CLSTN1: variants seen among roughly 807,000 people sequenced by gnomAD.
CLSTN1 encodes calsyntenin 1.
A neutral mutation model predicts 108.3 loss-of-function variants in CLSTN1; 28 were observed. The ratio of observed to expected loss-of-function variants is 0.26; its 90% CI spans 0.19 to 0.35. The LOEUF is 0.35. Ranked by LOEUF, CLSTN1 falls within the 10% of genes least tolerant of loss-of-function variation. The probability of loss-of-function intolerance (pLI) is 1.00; values close to 1 mark genes in which losing one functional copy is unlikely to be tolerated. For synonymous variants in CLSTN1, 524 were observed against 534.9 expected, an observed-to-expected ratio of 0.98 and a Z score of 0.28; for missense variants, 1,157 against 1,302.6, an observed-to-expected ratio of 0.89 and a Z score of 1.72.
chr1:9,764,857 T>C (rs989038542), intron 2 of CLSTN1, among the ~76,000 whole-genome samples: 1 of 152,024 alleles, frequency 6.6e-6, no homozygotes, highest in Admixed American at 6.6e-5. Context: ...CACTTTTTTT[T>C]ATCATCTCTG....
intron 9 of CLSTN1, among the ~76,000 whole-genome samples, chr1:9,742,905 CG>C (rs1018970108): frequency 6.6e-6 from 1 of 151,450 alleles, no homozygotes; most frequent in African/African-American, 2.4e-5. Flanking sequence ...GACTCAGTCT[CG>C]GGGGAAAAAA....
chr1:9,731,682 G>A, intron 17 of CLSTN1, 79 bp downstream of exon 17: 1 of 1,406,534 alleles, frequency 7.1e-7, no homozygotes, highest in Admixed American at 1.7e-5. Context: ...TGCTGAGCAG[G>A]AGGCTGTGCC....
intron 9 of CLSTN1, 28 bp downstream of exon 9, chr1:9,743,856 C>T (rs1044398779): frequency 3.7e-6 from 6 of 1,612,644 alleles, no homozygotes; most frequent in Middle Eastern, 1.6e-4. Flanking sequence ...CTTGCCCGGC[C>T]CTATTAGTGC....
At chr1:9,814,767 G>A (rs1654904611) in intron 1 of CLSTN1, among the ~76,000 whole-genome samples, 1 of 151,978 alleles carries the variant, frequency 6.6e-6, no homozygotes, top group South Asian at 2.1e-4. Context: ...AAATTAGCCA[G>A]GCATGGCGGT....
intron 1 of CLSTN1, among the ~76,000 whole-genome samples, chr1:9,815,548 T>A (rs1329185212): frequency 1.3e-5 from 2 of 152,226 alleles, no homozygotes; most frequent in Non-Finnish European, 2.9e-5. Flanking sequence ...AATGTGTATT[T>A]GATTCGAAAA....
At chr1:9,758,692 T>C (rs1651932624) in intron 2 of CLSTN1, among the ~76,000 whole-genome samples, 1 of 152,198 alleles carries the variant, frequency 6.6e-6, no homozygotes. Flanking sequence ...AGTTTATTCA[T>C]TTTCACTACT....
intron 1 of CLSTN1, among the ~76,000 whole-genome samples, chr1:9,807,043 T>A (rs1330033935): frequency 1.3e-5 from 2 of 151,734 alleles, no homozygotes; most frequent in African/African-American, 2.4e-5. Context: ...TTGCCTAAAG[T>A]GTGTTCCCCG....
rs369888064 is a variant in CLSTN1 at position 9,743,939 on chromosome 1, T to C, written c.1301A>G (p.Asp434Gly). 3.3e-5 allele frequency: 54 copies of C among 1,613,962 alleles called. 1 individual carries two copies. Among genetic ancestry groups the C allele is most frequent in the Non-Finnish European group, 1.7e-6 (2 of 1,180,020 alleles). The change falls in exon 9 of 19, where the codon GAT becomes GGT. Residue 434 changes from aspartate (D) to glycine (G), a missense_variant. Transcript: ENST00000377298. ...GCRLIFLFRQ[D>G]PSEEKKYRPA... is the part of the protein sequence containing the mutation. ...TCTGTATTTCTTCTCCTCAGAAGGA[T>C]CCTGACGGAAGAGGAAGATCAGCCG...
intron 1 of CLSTN1, among the ~76,000 whole-genome samples, chr1:9,816,677 G>A (rs972355988): frequency 6.6e-6 from 1 of 151,512 alleles, no homozygotes; most frequent in Non-Finnish European, 1.5e-5. Context: ...ATGGAGTTTT[G>A]CTCTTGTTGC....
At chr1:9,784,302 C>A (rs1338813428) in intron 1 of CLSTN1, among the ~76,000 whole-genome samples, 3 of 151,712 alleles carry the variant, frequency 2.0e-5, no homozygotes, top group Non-Finnish European at 2.9e-5. Flanking sequence ...GAGATTGTGT[C>A]ACTTGCACTC....
At chr1:9,781,486 C>G (rs1653244883) in intron 1 of CLSTN1, among the ~76,000 whole-genome samples, 1 of 151,720 alleles carries the variant, frequency 6.6e-6, no homozygotes, top group Non-Finnish European at 1.5e-5. Flanking sequence ...TCTTGTCACC[C>G]AGGCTGGAGT....
intron 7 of CLSTN1, among the ~76,000 whole-genome samples, chr1:9,745,770 T>G (rs1651237704): frequency 1.4e-5 from 2 of 143,948 alleles, no homozygotes; most frequent in Admixed American, 6.9e-5. Context: ...TAGTTGTTTT[T>G]TTTTTTTTTT....
Position 9,780,567 on chromosome 1 carries a change from A to G in CLSTN1, c.92-7173T>C, listed in dbSNP as rs1570484620. On this transcript the variant is annotated intron_variant, in intron 1 of 18. Coordinates refer to ENST00000377298, the MANE Select transcript of CLSTN1 (RefSeq NM_001009566.3). ...TAAATCGCTCTTAAGCTGGCAGTAG[A>G]ATGAGATCTGGCCAGTTCCAAACAC... Among the ~76,000 whole-genome samples, 3 of 152,348 alleles carry G rather than the reference A, an allele frequency of 2.0e-5. No individual in the cohort carries two copies. The South Asian group carries it at 6.2e-4, about 32-fold the overall frequency.
chr1:9,773,144 G>A (rs1176703672), intron 2 of CLSTN1, 128 bp downstream of exon 2: 3 of 1,265,346 alleles, frequency 2.4e-6, no homozygotes. Context: ...ATGCTACAAA[G>A]GACGCTACAA....
chr1:9,754,646 G>A (rs929717877), intron 4 of CLSTN1, among the ~76,000 whole-genome samples: 3 of 150,112 alleles, frequency 2.0e-5, no homozygotes, highest in Admixed American at 6.6e-5. Context: ...ACCTGAGGTC[G>A]GGAGTTTGAG....
intron 1 of CLSTN1, among the ~76,000 whole-genome samples, chr1:9,816,142 GT>G (rs1378595130): frequency 6.6e-6 from 1 of 152,128 alleles, no homozygotes; most frequent in African/African-American, 2.4e-5. Flanking sequence ...TAAACAGAAT[GT>G]GTTATATCCC....
At chr1:9,748,155 T>G (rs1442103230) in intron 7 of CLSTN1, among the ~76,000 whole-genome samples, 1 of 152,198 alleles carries the variant, frequency 6.6e-6, no homozygotes, top group Non-Finnish European at 1.5e-5. Flanking sequence ...ACAAAAGCTT[T>G]TTGAAACACA....
At chr1:9,805,754 C>T (rs934893207) in intron 1 of CLSTN1, among the ~76,000 whole-genome samples, 14 of 150,990 alleles carry the variant, frequency 9.3e-5, no homozygotes, top group African/African-American at 3.4e-4. Flanking sequence ...ATAGTCCCAG[C>T]TACTCAGGAG....
chr1:9,740,707 G>A (rs992606389), intron 10 of CLSTN1, among the ~76,000 whole-genome samples: 3 of 152,160 alleles, frequency 2.0e-5, no homozygotes, highest in Non-Finnish European at 2.9e-5. Context: ...GGTCCAAGGC[G>A]CACTTCTACT....
Sources: allele counts gnomAD v4.1 joint callset (sites outside exome capture counted in the v4.1 genomes callset), GRCh38; gene constraint gnomAD v4.1.1; transcripts MANE v1.5; gene names NCBI Gene and HGNC (gene_info 2026-07-23, HGNC 2026-07-21).